RCOR1: variants seen among roughly 807,000 people sequenced by gnomAD.
RCOR1 encodes the protein REST corepressor 1, also known as REST corepressor.
In RCOR1, 12 loss-of-function variants were observed where a neutral mutation model predicts 64.0. The observed-to-expected ratio is 0.19, with a 90% CI of 0.12 to 0.30. The LOEUF is 0.30. Ranked by LOEUF, RCOR1 falls within the 10% of genes least tolerant of loss-of-function variation. The pLI, the probability that RCOR1 is intolerant of heterozygous loss-of-function variation, is 1.00. For missense variants in RCOR1, 502 were observed against 621.2 expected, an observed-to-expected ratio of 0.81 and a Z score of 2.04; for synonymous variants, 279 against 227.2, an observed-to-expected ratio of 1.23 and a Z score of -2.05.
intron 2 of RCOR1, among the ~76,000 whole-genome samples, chr14:102,605,923 G>T (rs555975178): frequency 5.3e-5 from 8 of 151,676 alleles, no homozygotes; most frequent in South Asian, 4.2e-4. Flanking sequence ...TGTCTTTGTG[G>T]TTTTTTTTGT....
At chr14:102,639,258 TTC>T (rs1894308891) in intron 2 of RCOR1, among the ~76,000 whole-genome samples, 1 of 121,020 alleles carries the variant, frequency 8.3e-6, no homozygotes, top group African/African-American at 3.1e-5. Context: ...TTTGTTTTCT[TTC>T]TTTCTTTTTT....
intron 2 of RCOR1, among the ~76,000 whole-genome samples, chr14:102,625,287 G>A (rs904448580): frequency 2.5e-4 from 35 of 140,728 alleles, no homozygotes; most frequent in Non-Finnish European, 4.5e-5. Context: ...CCAGGATGGA[G>A]TGCAATGGCA....
At chr14:102,670,367 A>C (rs765552170) in intron 2 of RCOR1, among the ~76,000 whole-genome samples, 11 of 152,234 alleles carry the variant, frequency 7.2e-5, no homozygotes, top group Non-Finnish European at 1.3e-4. Flanking sequence ...AATGACATCT[A>C]TAATGGGATA....
intron 2 of RCOR1, among the ~76,000 whole-genome samples, chr14:102,672,356 C>T (rs1447300615): frequency 1.3e-5 from 2 of 151,974 alleles, no homozygotes; most frequent in African/African-American, 4.8e-5. Flanking sequence ...ACTACAGGCG[C>T]CCGCCACCAC....
chr14:102,705,733 ACAGGTG>A (rs1895839617), intron 4 of RCOR1, among the ~76,000 whole-genome samples: 1 of 152,208 alleles, frequency 6.6e-6, no homozygotes, highest in Admixed American at 6.5e-5. Flanking sequence ...TGCTGGGGTT[ACAGGTG>A]TGAGCCACAA....
intron 11 of RCOR1, 74 bp from the exon 12 acceptor site, chr14:102,726,394 A>G (rs1896263306): frequency 2.2e-6 from 3 of 1,355,488 alleles, no homozygotes; most frequent in South Asian, 2.5e-5. Flanking sequence ...TCTTTTCAGT[A>G]CACTGGAAAT....
chr14:102,613,093 G>A (rs923967515), intron 2 of RCOR1, among the ~76,000 whole-genome samples: 3 of 151,622 alleles, frequency 2.0e-5, no homozygotes, highest in Admixed American at 6.6e-5. Context: ...TGCGAGTCTC[G>A]CTTTTTTTGT....
At chr14:102,662,158 A>G in intron 2 of RCOR1, 1 of 396,270 alleles carries the variant, frequency 2.5e-6, no homozygotes, top group Non-Finnish European at 4.9e-6. Context: ...CATTAAATGT[A>G]CATACTTCTG....
intron 3 of RCOR1, among the ~76,000 whole-genome samples, chr14:102,700,852 G>C (rs1448987811): frequency 6.6e-6 from 1 of 152,200 alleles, no homozygotes; most frequent in Non-Finnish European, 1.5e-5. Flanking sequence ...TGTTGGTAAA[G>C]ACATACCCGA....
At chr14:102,692,138 G>A (rs893082013) in intron 3 of RCOR1, among the ~76,000 whole-genome samples, 1 of 152,088 alleles carries the variant, frequency 6.6e-6, no homozygotes, top group African/African-American at 2.4e-5. Flanking sequence ...TCTGTTAATG[G>A]CATTGGTGTT....
At chr14:102,651,653 C>T (rs1417390166) in intron 2 of RCOR1, among the ~76,000 whole-genome samples, 1 of 151,946 alleles carries the variant, frequency 6.6e-6, no homozygotes, top group African/African-American at 2.4e-5. Context: ...TATTTTTTGG[C>T]TTGTTGACCA....
intron 2 of RCOR1, among the ~76,000 whole-genome samples, chr14:102,642,845 AGTTAGTCTGT>A (rs1299796702): frequency 6.6e-6 from 1 of 151,770 alleles, no homozygotes; most frequent in African/African-American, 2.4e-5. Flanking sequence ...TATTAAAAAA[AGTTAGTCTGT>A]GTTAGCATAG....
chr14:102,655,951 TCACACACA>T lies in RCOR1; in HGVS notation c.362-25914_362-25907del, dbSNP rs57847726. 3,989 of 869,340 alleles carry T rather than the reference TCACACACA, an allele frequency of 4.6e-3. 5 individuals carry two copies. Among genetic ancestry groups the T allele is most frequent in the Middle Eastern group, 8.1e-3 (14 of 1,738 alleles). 53.9% of individuals were successfully genotyped at this position (869,340 alleles called of 1,614,324 possible). A position where few individuals can be genotyped will look rare whatever the true frequency, so the allele number is the denominator to read the frequency against. On this transcript the variant is annotated intron_variant, in intron 2 of 11. Transcript: ENST00000262241. The stretch of plus-strand genomic sequence containing the variant: ...CTGGGCAACAGAGTGAGACTTTTTG[TCACACACA>T]CACACACACACACACACACACACAC...
intron 2 of RCOR1, among the ~76,000 whole-genome samples, chr14:102,611,611 TAAA>T: frequency 6.6e-6 from 1 of 152,232 alleles, no homozygotes; most frequent in East Asian, 1.9e-4. Context: ...TTAAAATACT[TAAA>T]AATAGTTTGA....
chr14:102,623,533 C>T (rs553107804), intron 2 of RCOR1, among the ~76,000 whole-genome samples: 6 of 151,634 alleles, frequency 4.0e-5, no homozygotes, highest in Admixed American at 2.6e-4. Flanking sequence ...CTCAGCCTCC[C>T]GAGTAGCTGG....
At chr14:102,629,524 T>C (rs976383251) in intron 2 of RCOR1, among the ~76,000 whole-genome samples, 2 of 150,374 alleles carry the variant, frequency 1.3e-5, no homozygotes, top group Non-Finnish European at 2.9e-5. Context: ...TATTTAAAAA[T>C]ACGGACGGAA....
chr14:102,653,983 C>CTTTCTTTCTTTCTTTCT (rs1334055763), intron 2 of RCOR1, among the ~76,000 whole-genome samples: 6 of 33,176 alleles, frequency 1.8e-4, no homozygotes, highest in Admixed American at 9.7e-4. Flanking sequence ...TTCTTTCTTT[C>CTTTCTTTCTTTCTTTCT]TTTTTTTTTT....
At chr14:102,608,908 T>G (rs1595192489) in intron 2 of RCOR1, among the ~76,000 whole-genome samples, 1 of 151,888 alleles carries the variant, frequency 6.6e-6, no homozygotes, top group East Asian at 1.9e-4. Context: ...TACCTTTTGA[T>G]TATTGTGAAC....
chr14:102,701,345 T>G lies in RCOR1; in HGVS notation c.498+15T>G, dbSNP rs1165683701. ...ACATGGAACAGGTAATATCATGGTT[T>G]TCTTTCTTTTGCTGTTAAAAAATGA... On this transcript the variant is annotated intron_variant, in intron 4 of 11. Transcript: ENST00000262241. The G allele has an allele frequency of 6.4e-6, 10 of 1,559,098 alleles. No individual in the cohort carries two copies. Among genetic ancestry groups the G allele is most frequent in the Non-Finnish European group, 6.9e-6 (8 of 1,157,518 alleles).
Sources: gnomAD v4.1 joint callset for allele counts (sites outside exome capture counted in the v4.1 genomes callset) on GRCh38, gnomAD v4.1.1 for gene constraint, MANE v1.5 for transcripts, NCBI Gene and HGNC (gene_info 2026-07-23, HGNC 2026-07-21) for gene names.